The following COG5 variants were observed in gnomAD, a reference collection of about 807,000 sequenced individuals.
The protein encoded by COG5 is conserved oligomeric Golgi complex subunit 5.
In COG5, 86 loss-of-function variants were observed where a neutral mutation model predicts 110.4. The observed-to-expected ratio is 0.78, with a 90% confidence interval of 0.65 to 0.93. COG5 has a LOEUF of 0.93. Ranked by LOEUF, COG5 falls within the 40% of genes least tolerant of loss-of-function variation. The pLI is 0.00. For synonymous variants in COG5, 360 were observed against 334.6 expected (o/e 1.08, Z -0.83); for missense variants, 1,077 against 987.0 (o/e 1.09, Z -1.22).
chr7:107,500,359 G>A lies in COG5; in HGVS notation c.538+26878C>T, dbSNP rs563747128. ...GCCCTAGACCATGCAATTTAGATAC[G>A]GATTTCTTTTTCAAAGCAGATGTTA... On this transcript the variant is annotated intron_variant, in intron 6 of 21. Transcript: ENST00000297135. 3.0e-4 allele frequency among the ~76,000 whole-genome samples: 46 copies of A among 152,214 alleles called. 1 individual carries two copies. In the South Asian group the frequency reaches 7.5e-3, roughly 25 times the overall value.
intron 7 of COG5, among the ~76,000 whole-genome samples, chr7:107,409,474 G>C (rs1012055006): frequency 2.6e-5 from 4 of 151,264 alleles, no homozygotes; most frequent in Non-Finnish European, 5.9e-5. Flanking sequence ...GACTATATGA[G>C]AAGTCAAGAA....
chr7:107,288,948 ATATATATATATATATT>A (rs1267583620), intron 12 of COG5, among the ~76,000 whole-genome samples: 9 of 105,148 alleles, frequency 8.6e-5, no homozygotes, highest in Admixed American at 1.8e-4. Context: ...ATATATATAT[ATATATATATATATATT>A]TAAAAATTTA....
intron 10 of COG5, among the ~76,000 whole-genome samples, chr7:107,351,156 A>AT (rs1562982955): frequency 1.3e-5 from 2 of 152,216 alleles, no homozygotes; most frequent in Admixed American, 1.3e-4. Flanking sequence ...ATAATGCCAC[A>AT]TATCTACAAC....
chr7:107,316,551 C>T (rs113841706), intron 11 of COG5, among the ~76,000 whole-genome samples: 10 of 151,384 alleles, frequency 6.6e-5, no homozygotes, highest in African/African-American at 2.2e-4. Flanking sequence ...TGGTGGCTCT[C>T]GCCTGTAATC....
chr7:107,507,330 G>C (rs1386145528), intron 6 of COG5, among the ~76,000 whole-genome samples: 1 of 138,380 alleles, frequency 7.2e-6, no homozygotes, highest in African/African-American at 2.7e-5. Context: ...GAGTCTCGCT[G>C]TCACCCAGGC....
chr7:107,561,448 T>C (rs1803767685), intron 1 of COG5, among the ~76,000 whole-genome samples: 1 of 152,084 alleles, frequency 6.6e-6, no homozygotes, highest in Non-Finnish European at 1.5e-5. Context: ...CCTAGAGAAT[T>C]AAGAATTTTT....
In COG5 at chr7:107,211,218, G is replaced by A. The variant is rs1198233914; in HGVS notation, c.2176C>T (p.Leu726Phe). ...YRMLRSFRPL[L>F]FQASEHVASS... is the part of the protein sequence containing the mutation. ...GCTACATGTTCACTTGCCTGGAAGA[G>A]CAGAGGTCTAGACGGGAAAAACAGA... is the stretch of plus-strand genomic sequence containing the variant. Residue 726 changes from leucine to phenylalanine, a missense_variant, in exon 20 of 22, where the codon CTC becomes TTC. Coordinates refer to ENST00000297135, the MANE Select transcript of COG5 (RefSeq NM_006348.5). 2.5e-6 allele frequency: 4 copies of A among 1,613,884 alleles called. No homozygotes were observed. The highest frequency in any genetic ancestry group is 3.4e-6 in the Non-Finnish European group (4 of 1,179,918).
In COG5 at chr7:107,513,886, C is replaced by T. The variant is rs1018898611; in HGVS notation, c.538+13351G>A. On this transcript the variant is annotated intron_variant, in intron 6 of 21. Coordinates refer to ENST00000297135, the MANE Select transcript of COG5 (RefSeq NM_006348.5). ...ACACAGGAAGGGGAACATCACACTC[C>T]GGGGACTGTTGTGGGGTGGGGGAAG... Among the ~76,000 whole-genome samples the T allele has an allele frequency of 5.1e-5, 7 of 138,260 alleles. No individual in the cohort carries two copies. The South Asian group carries it at 6.9e-4, about 14-fold the overall frequency. The allele number at this position is 138,260 out of a possible 152,430, so 90.7% of individuals were successfully genotyped here.
At chr7:107,291,300 G>A (rs1806150388) in intron 12 of COG5, among the ~76,000 whole-genome samples, 1 of 151,888 alleles carries the variant, frequency 6.6e-6, no homozygotes, top group Non-Finnish European at 1.5e-5. Flanking sequence ...CTAGCTTCAA[G>A]TTGGTGAATT....
At chr7:107,430,682 C>A (rs760810584) in intron 6 of COG5, among the ~76,000 whole-genome samples, 2 of 152,156 alleles carry the variant, frequency 1.3e-5, no homozygotes, top group Non-Finnish European at 2.9e-5. Context: ...TGCACTGAAT[C>A]TATAAAACAA....
intron 8 of COG5, among the ~76,000 whole-genome samples, chr7:107,371,482 CT>C (rs1283615542): frequency 1.3e-5 from 2 of 151,936 alleles, no homozygotes; most frequent in African/African-American, 2.4e-5. Context: ...TAAATAGCCA[CT>C]TTTTTTCCTA....
chr7:107,221,269 A>G (rs773731051), intron 19 of COG5, among the ~76,000 whole-genome samples: 12 of 151,962 alleles, frequency 7.9e-5, no homozygotes, highest in Admixed American at 7.2e-4. Context: ...CGATGTGAGA[A>G]GACCCCAGGG....
At position 107,412,625 on chromosome 7, in the gene COG5, A is replaced by T; in HGVS notation, c.546T>A (p.Leu182=). The change falls in exon 7 of 22, where the codon CTT becomes CTA. Residue 182 remains leucine, a synonymous_variant. Coordinates refer to ENST00000297135, the MANE Select transcript of COG5 (RefSeq NM_006348.5). ...TTCCAGAAAGATCTATTCCTTGAGA[A>T]AGATAATCTGTTTAAAACAAAAACA... ...AAQSLNELDY[L]SQGIDLSGIE... is the part of the protein sequence containing the mutation. The T allele has an allele frequency of 2.0e-6, 3 of 1,533,124 alleles. No individual in the cohort carries two copies. The highest frequency in any genetic ancestry group is 2.7e-6 in the Non-Finnish European group (3 of 1,108,912). The allele number at this position is 1,533,124 out of a possible 1,614,324, so 95.0% of individuals were successfully genotyped here.
At chr7:107,538,862 A>C (rs1292178873) in intron 5 of COG5, among the ~76,000 whole-genome samples, 1 of 152,244 alleles carries the variant, frequency 6.6e-6, no homozygotes, top group African/African-American at 2.4e-5. Context: ...AACTGATGAA[A>C]GGATAAACAA....
intron 21 of COG5, among the ~76,000 whole-genome samples, chr7:107,204,504 A>G (rs1318174502): frequency 1.3e-5 from 2 of 152,158 alleles, no homozygotes; most frequent in African/African-American, 4.8e-5. Flanking sequence ...ACACAAATAC[A>G]TTTTTGTCAT....
intron 6 of COG5, among the ~76,000 whole-genome samples, chr7:107,447,335 A>G (rs938197706): frequency 6.6e-6 from 1 of 152,222 alleles, no homozygotes; most frequent in Non-Finnish European, 1.5e-5. Flanking sequence ...AATTGTAACC[A>G]TATTTTCAAA....
At chr7:107,252,753 T>C (rs982380825) in intron 16 of COG5, among the ~76,000 whole-genome samples, 12 of 152,124 alleles carry the variant, frequency 7.9e-5, no homozygotes, top group Non-Finnish European at 1.6e-4. Flanking sequence ...GTTGGTTTGA[T>C]ATTTGAAAAT....
At chr7:107,241,970 C>A (rs1197255669) in intron 17 of COG5, among the ~76,000 whole-genome samples, 1 of 152,018 alleles carries the variant, frequency 6.6e-6, no homozygotes, top group African/African-American at 2.4e-5. Flanking sequence ...TTTGTAGAGA[C>A]AGGGTTTCAC....
intron 12 of COG5, among the ~76,000 whole-genome samples, chr7:107,288,262 C>T (rs1387484412): frequency 1.3e-5 from 2 of 152,080 alleles, no homozygotes; most frequent in East Asian, 3.9e-4. Flanking sequence ...TACTCAAAGG[C>T]TGAGGTGGAG....
Sources: gnomAD v4.1 joint callset for allele counts (sites outside exome capture counted in the v4.1 genomes callset) on GRCh38, gnomAD v4.1.1 for gene constraint, MANE v1.5 for transcripts, NCBI Gene and HGNC (gene_info 2026-07-23, HGNC 2026-07-21) for gene names.